Variants in MYOCD observed in about 807,000 individuals in gnomAD.
MYOCD encodes the protein myocardin.
MYOCD carries 32 observed loss-of-function variants against 96.1 expected under a neutral mutation model. The ratio of observed to expected loss-of-function variants is 0.33; its 90% confidence interval spans 0.25 to 0.45. The LOEUF (loss-of-function observed/expected upper bound fraction) is 0.45. MYOCD is among the 20% of genes least tolerant of loss of function. MYOCD has a pLI of 1.00. For synonymous variants in MYOCD, 469 were observed against 469.0 expected, an observed-to-expected ratio of 1.00 and a Z score of 0.00; for missense variants, 1,133 against 1,200.6, an observed-to-expected ratio of 0.94 and a Z score of 0.83.
Position 12,765,647 on chromosome 17 carries a change from A to T in MYOCD, c.*2003A>T, listed in dbSNP as rs1319193792. ...TCTACACCAAAAGCCTTTAACCCTT[A>T]ATCTGCTGTGAATGATACCTGGCCT... On this transcript the variant is annotated 3_prime_UTR_variant, in exon 14 of 14. Coordinates refer to ENST00000425538, the MANE Select transcript of MYOCD (RefSeq NM_001146312.3). 1.3e-5 allele frequency: 2 copies of T among 152,182 alleles called. No homozygotes were observed. The highest frequency in any genetic ancestry group is 3.8e-4 in the East Asian group (2 of 5,198). 9.4% of individuals were successfully genotyped at this position (152,182 alleles called of 1,614,324 possible).
chr17:12,711,917 C>A (rs929918595), intron 2 of MYOCD, among the ~76,000 whole-genome samples: 2 of 137,300 alleles, frequency 1.5e-5, no homozygotes, highest in Admixed American at 1.5e-4. Flanking sequence ...ATTGGGATTT[C>A]TTTTTTCTTT....
chr17:12,671,764 T>A (rs891792805), intron 1 of MYOCD: 1 of 152,202 alleles, frequency 6.6e-6, no homozygotes, highest in Non-Finnish European at 1.5e-5. Context: ...AATTGAAGAA[T>A]AACAGAAGTG....
intron 1 of MYOCD, among the ~76,000 whole-genome samples, chr17:12,674,885 A>C (rs747874713): frequency 2.0e-5 from 3 of 152,236 alleles, no homozygotes; most frequent in Non-Finnish European, 4.4e-5. Flanking sequence ...AGTGTAGGAC[A>C]AGCCTTCCCA....
intron 11 of MYOCD, among the ~76,000 whole-genome samples, chr17:12,756,939 A>G (rs1352394289): frequency 1.3e-5 from 2 of 152,186 alleles, no homozygotes; most frequent in African/African-American, 2.4e-5. Context: ...GATATGAGTT[A>G]GAAGTTTTCC....
chr17:12,741,300 A>G (rs542135687), intron 7 of MYOCD, among the ~76,000 whole-genome samples: 3 of 152,328 alleles, frequency 2.0e-5, no homozygotes, highest in East Asian at 3.9e-4. Flanking sequence ...GTGACTATCA[A>G]TGCATTTTGT....
rs758560421 is a variant in MYOCD, at chr17:12,753,023, T to G, written c.1735T>G (p.Cys579Gly). The G allele has an allele frequency of 8.4e-5, 135 of 1,614,106 alleles. No individual in the cohort carries two copies. Among genetic ancestry groups the G allele is most frequent in the Non-Finnish European group, 1.1e-4 (133 of 1,180,044 alleles). The change falls in exon 10 of 14, where the codon TGT becomes GGT. Residue 579 changes from cysteine to glycine, a missense_variant. Coordinates refer to ENST00000425538, the MANE Select transcript of MYOCD (RefSeq NM_001146312.3). ...CAAGCAGGAAGAGGCTGTCTCCAGCTGTCCTTTTGCATCCCAAGTACCTGT... is the reference window on the plus strand; with the variant it reads ...CAAGCAGGAAGAGGCTGTCTCCAGCGGTCCTTTTGCATCCCAAGTACCTGT... ...SIKQEEAVSS[C>G]PFASQVPVKR...
At chr17:12,675,748 A>G (rs1909989556) in intron 1 of MYOCD, among the ~76,000 whole-genome samples, 1 of 152,166 alleles carries the variant, frequency 6.6e-6, no homozygotes, top group Admixed American at 6.5e-5. Context: ...AGTCCCAGCT[A>G]CCTGGAAGGC....
Position 12,761,790 on chromosome 17 carries a change from A to AT in MYOCD, c.2389+1089dup, listed in dbSNP as rs1020641691. The AT allele has an allele frequency of 7.7e-4, 117 of 152,176 alleles. 1 individual carries two copies. Among genetic ancestry groups the AT allele is most frequent in the African/African-American group, 2.8e-3 (115 of 41,450 alleles). 9.4% of individuals were successfully genotyped at this position (152,176 alleles called of 1,614,324 possible). A position where few individuals can be genotyped will look rare whatever the true frequency, so the allele number is the denominator to read the frequency against. On this transcript the variant is annotated intron_variant, in intron 13 of 13. Coordinates refer to ENST00000425538, the MANE Select transcript of MYOCD (RefSeq NM_001146312.3). Reference sequence around the variant, plus strand: ...AGGCGCGTGCCACCACGCCCAGCTAATTTTTTGTATGTTTAGTAGAGACGG... The same window carrying AT: ...AGGCGCGTGCCACCACGCCCAGCTAATTTTTTTGTATGTTTAGTAGAGACGG...
At position 12,763,131 on chromosome 17, in the gene MYOCD, C is replaced by G. The variant is rs754876345; in HGVS notation, c.2448C>G (p.Pro816=). The change falls in exon 14 of 14, where the codon CCC becomes CCG. Residue 816 remains proline, a synonymous_variant. Transcript: ENST00000425538. ...HSCLQKVPKI[P]RSSRSPTAVL... is the part of the protein sequence containing the mutation. ...GTCTTCAAAAAGTCCCAAAGATACC[C>G]AGATCTTCCCGAAGTCCAACTGCTG... The G allele has an allele frequency of 1.2e-6, 2 of 1,614,048 alleles. No homozygotes were observed. Among genetic ancestry groups the G allele is most frequent in the South Asian group, 2.2e-5 (2 of 91,026 alleles).
Position 12,765,267 on chromosome 17 carries a change from G to A in MYOCD, c.*1623G>A, listed in dbSNP as rs185309421. ...GCTGTAGAAAGGAGCTATTGCTGTT[G>A]TTTTGTTTTTTTATTTAAATCACTA... is the stretch of plus-strand genomic sequence containing the variant. On this transcript the variant is annotated 3_prime_UTR_variant, in exon 14 of 14. Transcript: ENST00000425538. 36 of 147,554 alleles carry A rather than the reference G, an allele frequency of 2.4e-4. No individual in the cohort carries two copies. Among genetic ancestry groups the A allele is most frequent in the African/African-American group, 8.7e-4 (35 of 40,006 alleles). The allele number at this position is 147,554 out of a possible 1,614,324, so 9.1% of individuals were successfully genotyped here. A position where few individuals can be genotyped will look rare whatever the true frequency, so the allele number is the denominator to read the frequency against.
At position 12,752,976 on chromosome 17, in the gene MYOCD, T is replaced by C; in HGVS notation, c.1688T>C (p.Leu563Pro). Residue 563 changes from leucine to proline, a missense_variant, in exon 10 of 14, where the codon CTG becomes CCG. By Grantham distance (98) the Leu-to-Pro change is moderately conservative. Coordinates refer to ENST00000425538, the MANE Select transcript of MYOCD (RefSeq NM_001146312.3). ...KRNNCSEKKP[L>P]PFLAASIKQE... ...AATAACTGTTCAGAGAAGAAGCCGC[T>C]GCCTTTCCTGGCTGCCTCCATCAAG... The C allele has an allele frequency of 6.2e-7, 1 of 1,614,182 alleles. No individual in the cohort carries two copies. The highest frequency in any genetic ancestry group is 1.1e-5 in the South Asian group (1 of 91,074).
At chr17:12,697,359 ATTTTTTTT>A (rs71144918) in intron 1 of MYOCD, among the ~76,000 whole-genome samples, 6 of 75,734 alleles carry the variant, frequency 7.9e-5, no homozygotes, top group Admixed American at 1.9e-4. Flanking sequence ...ATATATATAT[ATTTTTTTT>A]TTTTTTTTTT....
chr17:12,725,726 G>A (rs2150693175), intron 5 of MYOCD, among the ~76,000 whole-genome samples: 1 of 151,592 alleles, frequency 6.6e-6, no homozygotes, highest in Non-Finnish European at 1.5e-5. Context: ...GTCTTATATT[G>A]ATGATTACAT....
At position 12,763,677 on chromosome 17, in the gene MYOCD, A is replaced by C; in HGVS notation, c.*33A>C. 1 of 1,528,050 alleles carries C rather than the reference A, an allele frequency of 6.5e-7. No individual in the cohort carries two copies. Among genetic ancestry groups the C allele is most frequent in the Non-Finnish European group, 8.9e-7 (1 of 1,118,590 alleles). The allele number at this position is 1,528,050 out of a possible 1,614,324, so 94.7% of individuals were successfully genotyped here. A position where few individuals can be genotyped will look rare whatever the true frequency, so the allele number is the denominator to read the frequency against. On this transcript the variant is annotated 3_prime_UTR_variant, in exon 14 of 14. Transcript: ENST00000425538. ...AATGCACCAGTGCTATGGAAGACCA[A>C]TGGAGTTCCATGGGGGAAAGCACAC...
intron 1 of MYOCD, among the ~76,000 whole-genome samples, chr17:12,684,140 C>G (rs1402337523): frequency 6.6e-6 from 1 of 152,086 alleles, no homozygotes; most frequent in Non-Finnish European, 1.5e-5. Context: ...AATTTATTAT[C>G]AAGACATAGC....
Position 12,717,365 on chromosome 17 carries a change from G to A in MYOCD, c.197G>A (p.Arg66His), listed in dbSNP as rs574088661. ...DSDKAKNSLK[R>H]KARNRCNSAD... ...CTACAGGCTAAAAATTCCCTGAAGC[G>A]CAAAGCCAGAAACAGGTGCAACAGT... Residue 66 changes from arginine (R) to histidine (H), a missense_variant, in exon 4 of 14, where the codon CGC becomes CAC. Physicochemically the swap from Arg to His is conservative, Grantham distance 29. Transcript: ENST00000425538. The A allele has an allele frequency of 3.3e-5, 53 of 1,613,796 alleles. No individual in the cohort carries two copies. The highest frequency in any genetic ancestry group is 1.7e-4 in the Middle Eastern group (1 of 6,056).
chr17:12,685,462 C>T (rs1029062166), intron 1 of MYOCD, among the ~76,000 whole-genome samples: 9 of 151,934 alleles, frequency 5.9e-5, no homozygotes, highest in Non-Finnish European at 1.3e-4. Context: ...GAAGATTAGC[C>T]GGGTGTGGTG....
chr17:12,703,201 A>G (rs1482428302), intron 1 of MYOCD, among the ~76,000 whole-genome samples: 3 of 151,980 alleles, frequency 2.0e-5, no homozygotes, highest in Non-Finnish European at 4.4e-5. Context: ...GTTTCTGAAG[A>G]GAATTCTGTG....
chr17:12,682,811 T>C (rs1194018217), intron 1 of MYOCD, among the ~76,000 whole-genome samples: 3 of 152,184 alleles, frequency 2.0e-5, no homozygotes, highest in Non-Finnish European at 2.9e-5. Flanking sequence ...TAGAACAGGA[T>C]TTAAAAGTAG....
Sources: gnomAD v4.1 joint callset for allele counts (sites outside exome capture counted in the v4.1 genomes callset) on GRCh38, gnomAD v4.1.1 for gene constraint, MANE v1.5 for transcripts, NCBI Gene and HGNC (gene_info 2026-07-23, HGNC 2026-07-21) for gene names.